METTL15: variants seen among roughly 807,000 people sequenced by gnomAD.
METTL15 encodes the protein 12S rRNA N(4)-cytidine methyltransferase METTL15.
METTL15 carries 34 observed loss-of-function variants against 38.3 expected under a neutral mutation model. That is an observed-to-expected ratio of 0.89 (90% CI 0.68 to 1.18). The LOEUF (loss-of-function observed/expected upper bound fraction) is 1.18, where lower values mean the gene tolerates loss of function less well. METTL15 is among the 50% of genes most tolerant of loss of function. The pLI is 0.00. For synonymous variants in METTL15, 162 were observed against 170.9 expected (o/e 0.95, Z 0.41); for missense variants, 438 against 498.4 (o/e 0.88, Z 1.15).
intron 6 of METTL15, among the ~76,000 whole-genome samples, chr11:28,310,168 A>C (rs1309948832): frequency 6.6e-6 from 1 of 152,206 alleles, no homozygotes; most frequent in Non-Finnish European, 1.5e-5. Context: ...AATGTGAGCC[A>C]GGAAACTTAG....
intron 6 of METTL15, among the ~76,000 whole-genome samples, chr11:28,474,768 G>A (rs2133467225): frequency 6.6e-6 from 1 of 152,234 alleles, no homozygotes; most frequent in East Asian, 1.9e-4. Context: ...CCTGTATGTG[G>A]GATTTGACCA....
chr11:28,139,025 C>T (rs1020769997), intron 3 of METTL15, among the ~76,000 whole-genome samples: 10 of 152,260 alleles, frequency 6.6e-5, no homozygotes, highest in African/African-American at 9.6e-5. Flanking sequence ...TTTATTCAAC[C>T]GGTCTGCACA....
At chr11:28,384,162 A>T (rs186081137) in intron 5 of METTL15, among the ~76,000 whole-genome samples, 88 of 152,276 alleles carry the variant, frequency 5.8e-4, no homozygotes, top group African/African-American at 1.9e-3. Flanking sequence ...ATGGCTGCAA[A>T]GTATTCCATG....
At chr11:28,351,814 A>ATCT in intron 3 of METTL15, among the ~76,000 whole-genome samples, 1 of 152,344 alleles carries the variant, frequency 6.6e-6, no homozygotes, top group Admixed American at 6.5e-5. Context: ...AAAGAAAGAA[A>ATCT]GCTCACAGCT....
At chr11:28,115,871 T>C (rs1851922144) in intron 3 of METTL15, among the ~76,000 whole-genome samples, 2 of 151,526 alleles carry the variant, frequency 1.3e-5, no homozygotes, top group Non-Finnish European at 2.9e-5. Flanking sequence ...CATACACATA[T>C]ATATGTGTGT....
rs528155686 is a variant in METTL15 at position 28,291,106 on chromosome 11, G to A, written c.599+709G>A. Reference sequence around the variant, plus strand: ...GTTCTGTCACCCAAGCTGGCATGCAGTGGCATGATCTCGCACTGCAACCTC... The same window carrying A: ...GTTCTGTCACCCAAGCTGGCATGCAATGGCATGATCTCGCACTGCAACCTC... On this transcript the variant is annotated intron_variant, in intron 5 of 6. Coordinates refer to ENST00000407364, the MANE Select transcript of METTL15 (RefSeq NM_001113528.2). Among the ~76,000 whole-genome samples the A allele has an allele frequency of 1.1e-4, 16 of 145,848 alleles. No homozygotes were observed. In the Admixed American group the frequency reaches 1.1e-3, roughly 10 times the overall value.
At chr11:28,312,325 T>G (rs1307235552) in intron 6 of METTL15, among the ~76,000 whole-genome samples, 9 of 152,202 alleles carry the variant, frequency 5.9e-5, no homozygotes, top group African/African-American at 2.2e-4. Flanking sequence ...ATATTGAAGC[T>G]ACTACATTTG....
At chr11:28,262,783 T>C (rs1397023251) in intron 4 of METTL15, among the ~76,000 whole-genome samples, 2 of 152,110 alleles carry the variant, frequency 1.3e-5, no homozygotes, top group Non-Finnish European at 2.9e-5. Flanking sequence ...TTAAGCACCT[T>C]CATATTTCTG....
intron 4 of METTL15, among the ~76,000 whole-genome samples, chr11:28,357,971 T>C (rs1159839623): frequency 3.3e-5 from 5 of 152,084 alleles, no homozygotes; most frequent in African/African-American, 1.2e-4. Flanking sequence ...CATGCAAATG[T>C]TAACATTATG....
At chr11:28,194,073 C>T (rs1851798430) in intron 3 of METTL15, among the ~76,000 whole-genome samples, 1 of 151,826 alleles carries the variant, frequency 6.6e-6, no homozygotes. Flanking sequence ...TGTCATTTAA[C>T]TTACTACATA....
At chr11:28,220,244 C>A (rs1853132557) in intron 4 of METTL15, among the ~76,000 whole-genome samples, 2 of 152,050 alleles carry the variant, frequency 1.3e-5, no homozygotes, top group African/African-American at 4.8e-5. Flanking sequence ...TCTGGGTGCT[C>A]CTGTATTGGG....
At chr11:28,413,943 C>T (rs1349211395) in intron 5 of METTL15, among the ~76,000 whole-genome samples, 1 of 152,012 alleles carries the variant, frequency 6.6e-6, no homozygotes, top group East Asian at 1.9e-4. Flanking sequence ...TCTTAACATT[C>T]CTATTTGTGC....
intron 6 of METTL15, among the ~76,000 whole-genome samples, chr11:28,481,490 C>T (rs145378050): frequency 1.1e-4 from 17 of 152,274 alleles, no homozygotes; most frequent in African/African-American, 4.1e-4. Context: ...GCACACTGAA[C>T]GTCCCTGCAA....
intron 3 of METTL15, among the ~76,000 whole-genome samples, chr11:28,199,617 C>G (rs1852033672): frequency 6.6e-6 from 1 of 151,974 alleles, no homozygotes; most frequent in Non-Finnish European, 1.5e-5. Flanking sequence ...GGGAAAAATG[C>G]TTATTTCTGT....
At chr11:28,508,657 C>T (rs1851649697) in intron 6 of METTL15, among the ~76,000 whole-genome samples, 1 of 152,134 alleles carries the variant, frequency 6.6e-6, no homozygotes, top group African/African-American at 2.4e-5. Flanking sequence ...CTCTTCATGG[C>T]CACCAACTAA....
intron 4 of METTL15, among the ~76,000 whole-genome samples, chr11:28,356,266 T>C (rs1850089039): frequency 6.6e-6 from 1 of 152,176 alleles, no homozygotes; most frequent in Admixed American, 6.5e-5. Context: ...CTATTTTCGG[T>C]CTCCTCCCAC....
intron 3 of METTL15, among the ~76,000 whole-genome samples, chr11:28,351,803 TAAAG>T (rs932579559): frequency 4.6e-5 from 7 of 152,194 alleles, no homozygotes; most frequent in African/African-American, 1.2e-4. Context: ...TGACAGGTCT[TAAAG>T]AAAGAAAGCT....
intron 6 of METTL15, among the ~76,000 whole-genome samples, chr11:28,481,884 G>T (rs1175815661): frequency 6.6e-6 from 1 of 152,106 alleles, no homozygotes; most frequent in Non-Finnish European, 1.5e-5. Context: ...CCTGATTTTT[G>T]ACACTTGTTT....
chr11:28,170,000 G>C (rs562824483), intron 3 of METTL15, among the ~76,000 whole-genome samples: 7 of 152,190 alleles, frequency 4.6e-5, no homozygotes, highest in South Asian at 4.1e-4. Flanking sequence ...GCTCTGGTGT[G>C]GGGGGTAGGA....
Sources: allele counts gnomAD v4.1 joint callset (sites outside exome capture counted in the v4.1 genomes callset), GRCh38; gene constraint gnomAD v4.1.1; transcripts MANE v1.5; gene names NCBI Gene and HGNC (gene_info 2026-07-23, HGNC 2026-07-21).